The following ZC3H6 variants were observed in gnomAD, a reference collection of about 807,000 sequenced individuals.
The protein encoded by ZC3H6 is zinc finger CCCH-type containing 6, also known as zinc finger CCCH domain-containing protein 6.
ZC3H6 carries 40 observed loss-of-function variants against 107.7 expected under a neutral mutation model. That is an observed-to-expected ratio of 0.37 (90% CI 0.29 to 0.48). The LOEUF is 0.48. Ranked by LOEUF, ZC3H6 falls within the 20% of genes least tolerant of loss-of-function variation. The pLI is 0.98. For missense variants in ZC3H6, 1,267 were observed against 1,410.4 expected, an observed-to-expected ratio of 0.90 and a Z score of 1.63; for synonymous variants, 493 against 487.9, an observed-to-expected ratio of 1.01 and a Z score of -0.14.
At chr2:112,303,633 A>C (rs1676424644) in intron 3 of ZC3H6, among the ~76,000 whole-genome samples, 1 of 152,182 alleles carries the variant, frequency 6.6e-6, no homozygotes, top group South Asian at 2.1e-4. Context: ...AAGTGGAATC[A>C]TACAGTATTT....
rs190362536 is a variant in ZC3H6, at chr2:112,291,406, G to A, written c.33-8443G>A. Among the ~76,000 whole-genome samples, 62 of 152,182 alleles carry A rather than the reference G, an allele frequency of 4.1e-4. No individual in the cohort carries two copies. In the East Asian group the frequency reaches 0.011, roughly 27 times the overall value. ...GTCCCACTATTCCTGGCCAATTTTT[G>A]TAGTTTTAGTAGAGACGGGGTTTCG... On this transcript the variant is annotated intron_variant, in intron 1 of 11. Coordinates refer to ENST00000409871, the MANE Select transcript of ZC3H6 (RefSeq NM_198581.3).
intron 4 of ZC3H6, among the ~76,000 whole-genome samples, chr2:112,311,423 G>A (rs1428207828): frequency 6.6e-6 from 1 of 152,134 alleles, no homozygotes; most frequent in Non-Finnish European, 1.5e-5. Flanking sequence ...AAAATTACCA[G>A]TGGAAATTTG....
intron 1 of ZC3H6, among the ~76,000 whole-genome samples, chr2:112,281,413 A>G (rs1045070408): frequency 1.3e-5 from 2 of 152,302 alleles, no homozygotes; most frequent in African/African-American, 2.4e-5. Flanking sequence ...AGGATCCTCT[A>G]TGGTATATGG....
chr2:112,294,754 C>A (rs1438568761), intron 1 of ZC3H6, among the ~76,000 whole-genome samples: 1 of 152,068 alleles, frequency 6.6e-6, no homozygotes, highest in Admixed American at 6.5e-5. Flanking sequence ...TAAGGCATAT[C>A]AGTTTGTAAA....
At chr2:112,288,015 A>T (rs1441473860) in intron 1 of ZC3H6, among the ~76,000 whole-genome samples, 1 of 152,246 alleles carries the variant, frequency 6.6e-6, no homozygotes, top group Non-Finnish European at 1.5e-5. Context: ...CATCATTAAC[A>T]TCTGTTGTCA....
At chr2:112,295,781 AG>A (rs1414095766) in intron 1 of ZC3H6, among the ~76,000 whole-genome samples, 1 of 152,238 alleles carries the variant, frequency 6.6e-6, no homozygotes, top group Non-Finnish European at 1.5e-5. Context: ...AAAAGCTTGC[AG>A]TGTTTTATAT....
rs1478067941 is a variant in ZC3H6 at position 112,338,219 on chromosome 2, G to A, written c.*5731G>A. On this transcript the variant is annotated 3_prime_UTR_variant, in exon 12 of 12. Transcript: ENST00000409871. ...CCCGCCTCAGCCTCCCAAAGTGCTG[G>A]GATTACAGGCGTGAGCCACTGTGCC... 1 of 152,194 alleles carries A rather than the reference G, an allele frequency of 6.6e-6. No homozygotes were observed. The highest frequency in any genetic ancestry group is 2.4e-5 in the African/African-American group (1 of 41,430). 9.4% of individuals were successfully genotyped at this position (152,194 alleles called of 1,614,324 possible).
At position 112,322,795 on chromosome 2, in the gene ZC3H6, T is replaced by C; in HGVS notation, c.1233T>C (p.Pro411=). The change falls in exon 9 of 12, where the codon CCT becomes CCC. Residue 411 remains proline, a synonymous_variant. Transcript: ENST00000409871. ...TPPEHFPFSD[P]EDDFQTDFSD... ...CAGAGCATTTTCCCTTTTCTGATCCTGAAGACGATTTTCAGACAGATTTCT... is the reference window on the plus strand; with the variant it reads ...CAGAGCATTTTCCCTTTTCTGATCCCGAAGACGATTTTCAGACAGATTTCT... 1 of 1,613,950 alleles carries C rather than the reference T, an allele frequency of 6.2e-7. No individual in the cohort carries two copies. Among genetic ancestry groups the C allele is most frequent in the Non-Finnish European group, 8.5e-7 (1 of 1,179,880 alleles).
chr2:112,311,569 G>A (rs1213586160), intron 4 of ZC3H6, among the ~76,000 whole-genome samples: 4 of 152,200 alleles, frequency 2.6e-5, no homozygotes, highest in South Asian at 2.1e-4. Flanking sequence ...ACTTGATTTC[G>A]CTTCTCTAGC....
rs115414732 is a variant in ZC3H6 at position 112,294,306 on chromosome 2, A to G, written c.33-5543A>G. On this transcript the variant is annotated intron_variant, in intron 1 of 11. Transcript: ENST00000409871. ...AGAAACGACCGTGTGAATTAGTACAAAAGCATGAAAAGAAAAATGTTATAA... is the reference window on the plus strand; with the variant it reads ...AGAAACGACCGTGTGAATTAGTACAGAAGCATGAAAAGAAAAATGTTATAA... 4.6e-3 allele frequency among the ~76,000 whole-genome samples: 705 copies of G among 152,332 alleles called. 6 individuals are homozygous for G. Among genetic ancestry groups the G allele is most frequent in the African/African-American group, 0.016 (672 of 41,564 alleles).
rs930692191 is a variant in ZC3H6 at position 112,276,422 on chromosome 2, T to A, written c.32+396T>A. On this transcript the variant is annotated intron_variant, in intron 1 of 11. Transcript: ENST00000409871. The stretch of plus-strand genomic sequence containing the variant: ...CAGGAATTTTCAGGAATGGGTGTTT[T>A]GATATTTGACTGCTTCCCGAGAACC... Among the ~76,000 whole-genome samples, 12 of 151,434 alleles carry A rather than the reference T, an allele frequency of 7.9e-5. No homozygotes were observed. The East Asian group carries it at 2.3e-3, about 30-fold the overall frequency.
chr2:112,320,206 T>C (rs1447772142), intron 7 of ZC3H6, among the ~76,000 whole-genome samples: 1 of 152,262 alleles, frequency 6.6e-6, no homozygotes, highest in Non-Finnish European at 1.5e-5. Flanking sequence ...GTGCTGGGAT[T>C]ATAGGCGTGA....
intron 4 of ZC3H6, 79 bp downstream of exon 4, chr2:112,310,240 C>A: frequency 7.3e-7 from 1 of 1,374,740 alleles, no homozygotes; most frequent in Non-Finnish European, 9.8e-7. Flanking sequence ...AACTTAGAAA[C>A]TTATCCCTGT....
intron 7 of ZC3H6, among the ~76,000 whole-genome samples, chr2:112,319,993 C>T (rs751433483): frequency 1.1e-4 from 16 of 152,224 alleles, no homozygotes; most frequent in African/African-American, 1.4e-4. Flanking sequence ...AGTCCAATGG[C>T]GCGTTCTCCG....
intron 4 of ZC3H6, among the ~76,000 whole-genome samples, chr2:112,310,952 A>G (rs149199092): frequency 6.6e-6 from 1 of 152,344 alleles, no homozygotes; most frequent in African/African-American, 2.4e-5. Flanking sequence ...TTTAGCTGAA[A>G]TAAAGGGAAA....
Position 112,334,389 on chromosome 2 carries a change from G to C in ZC3H6, c.*1901G>C, listed in dbSNP as rs1677102675. 1 of 152,024 alleles carries C rather than the reference G, an allele frequency of 6.6e-6. No individual in the cohort carries two copies. Among genetic ancestry groups the C allele is most frequent in the Non-Finnish European group, 1.5e-5 (1 of 67,946 alleles). 9.4% of individuals were successfully genotyped at this position (152,024 alleles called of 1,614,324 possible). A position where few individuals can be genotyped will look rare whatever the true frequency, so the allele number is the denominator to read the frequency against. On this transcript the variant is annotated 3_prime_UTR_variant, in exon 12 of 12. Coordinates refer to ENST00000409871, the MANE Select transcript of ZC3H6 (RefSeq NM_198581.3). ...TATAATTATTGTGTCAAGCAGTGCT[G>C]TTTACATTTTAAGCATCATACAAAA... is the stretch of plus-strand genomic sequence containing the variant.
rs191327083 is a variant in ZC3H6 at position 112,315,598 on chromosome 2, T to G, written c.748-872T>G. 4.5e-4 allele frequency among the ~76,000 whole-genome samples: 69 copies of G among 152,134 alleles called. 1 individual carries two copies. In the South Asian group the frequency reaches 5.8e-3, roughly 13 times the overall value. On this transcript the variant is annotated intron_variant, in intron 5 of 11. Coordinates refer to ENST00000409871, the MANE Select transcript of ZC3H6 (RefSeq NM_198581.3). ...ATTGTAAACTTTTTTTTTGTTTTTT[T>G]TTTGTTTGTTTGTTTGAGACACTCT...
rs771603656 is a variant in ZC3H6 at position 112,321,823 on chromosome 2, C to A, written c.1044C>A (p.Ser348=). 6.5e-7 allele frequency: 1 copy of A among 1,542,334 alleles called. No homozygotes were observed. Among genetic ancestry groups the A allele is most frequent in the Non-Finnish European group, 8.8e-7 (1 of 1,142,346 alleles). The part of the protein sequence containing the change: ...KCYQGDNCKF[S]HDDLTKETKK... ...ACCAGGGAGACAACTGTAAATTTTC[C>A]CATGATGATCTAACTAAAGAAACAA... is the stretch of plus-strand genomic sequence containing the variant. Residue 348 remains serine (S), a synonymous_variant, in exon 8 of 12, where the codon TCC becomes TCA. Transcript: ENST00000409871.
chr2:112,314,865 G>T (rs927990370), intron 5 of ZC3H6, among the ~76,000 whole-genome samples: 2 of 152,060 alleles, frequency 1.3e-5, no homozygotes, highest in African/African-American at 4.8e-5. Flanking sequence ...GGTAAATTAG[G>T]TATGTTTATA....
Sources: allele counts gnomAD v4.1 joint callset (sites outside exome capture counted in the v4.1 genomes callset), GRCh38; gene constraint gnomAD v4.1.1; transcripts MANE v1.5; gene names NCBI Gene and HGNC (gene_info 2026-07-23, HGNC 2026-07-21).